Variants in WWOX observed in about 807,000 individuals in gnomAD.
The protein encoded by WWOX is WW domain-containing oxidoreductase.
A neutral mutation model predicts 46.2 loss-of-function variants in WWOX; 69 were observed. The ratio of observed to expected loss-of-function variants is 1.49; its 90% confidence interval spans 1.23 to 1.82. The LOEUF is 1.82. WWOX is among the 40% of genes most tolerant of loss of function. The pLI is 0.00. For synonymous variants in WWOX, 359 were observed against 202.6 expected (o/e 1.77, Z -6.56); for missense variants, 919 against 542.6 (o/e 1.69, Z -6.89).
intron 6 of WWOX, among the ~76,000 whole-genome samples, chr16:78,414,394 C>T (rs955221973): frequency 2.0e-5 from 3 of 152,060 alleles, no homozygotes; most frequent in African/African-American, 7.2e-5. Context: ...CGTGGTGAAA[C>T]CCTGCATCTA....
At chr16:78,470,117 C>T (rs1268393500) in intron 8 of WWOX, among the ~76,000 whole-genome samples, 1 of 152,220 alleles carries the variant, frequency 6.6e-6, no homozygotes, top group Non-Finnish European at 1.5e-5. Flanking sequence ...GGGACTCAAG[C>T]TCTTTTCATC....
At chr16:78,825,828 A>C (rs2051637825) in intron 8 of WWOX, 1 of 602,114 alleles carries the variant, frequency 1.7e-6, no homozygotes, top group South Asian at 2.0e-5. Context: ...CTGGGCATCA[A>C]GGTGAAGGTC....
intron 8 of WWOX, among the ~76,000 whole-genome samples, chr16:79,132,015 G>A (rs181075086): frequency 1.9e-4 from 29 of 152,054 alleles, no homozygotes; most frequent in Non-Finnish European, 3.4e-4. Flanking sequence ...TGATTCAGTT[G>A]TCTCCCTCCA....
At chr16:78,699,768 T>G (rs1472037002) in intron 8 of WWOX, among the ~76,000 whole-genome samples, 1 of 152,252 alleles carries the variant, frequency 6.6e-6, no homozygotes, top group Non-Finnish European at 1.5e-5. Context: ...AATGATCTTC[T>G]GGCCAACTCT....
chr16:79,148,054 GC>G, intron 8 of WWOX, among the ~76,000 whole-genome samples: 1 of 152,116 alleles, frequency 6.6e-6, no homozygotes, highest in Admixed American at 6.5e-5. Context: ...ATGGACATTT[GC>G]AAAATAAAAG....
chr16:79,170,670 AT>A (rs35761134), intron 8 of WWOX, among the ~76,000 whole-genome samples: 2 of 151,222 alleles, frequency 1.3e-5, no homozygotes, highest in East Asian at 1.9e-4. Flanking sequence ...AGTTACTTCT[AT>A]TTTTTTTTAC....
At chr16:78,319,908 C>T (rs956356161) in intron 5 of WWOX, among the ~76,000 whole-genome samples, 2 of 152,102 alleles carry the variant, frequency 1.3e-5, no homozygotes, top group African/African-American at 2.4e-5. Context: ...GTTTTCCTGG[C>T]GAAATAGTCA....
At chr16:78,986,846 A>T (rs1289591361) in intron 8 of WWOX, among the ~76,000 whole-genome samples, 1 of 152,202 alleles carries the variant, frequency 6.6e-6, no homozygotes, top group African/African-American at 2.4e-5. Flanking sequence ...TCTTTTTGAT[A>T]ATACACATTA....
intron 8 of WWOX, among the ~76,000 whole-genome samples, chr16:78,929,865 T>G (rs2045580469): frequency 6.6e-6 from 1 of 152,168 alleles, no homozygotes; most frequent in Non-Finnish European, 1.5e-5. Flanking sequence ...CCCTTGCCTT[T>G]TTACCCAGTA....
intron 8 of WWOX, among the ~76,000 whole-genome samples, chr16:78,456,041 G>T (rs1431416990): frequency 6.6e-6 from 1 of 152,168 alleles, no homozygotes; most frequent in Admixed American, 6.6e-5. Flanking sequence ...ACTACCGAAG[G>T]AGCTTAGAGG....
At chr16:78,761,186 T>C (rs1302216352) in intron 8 of WWOX, among the ~76,000 whole-genome samples, 1 of 152,210 alleles carries the variant, frequency 6.6e-6, no homozygotes, top group African/African-American at 2.4e-5. Context: ...TATTGCATTT[T>C]CTTTTTCTTC....
At chr16:78,896,638 T>G (rs1469966156) in intron 8 of WWOX, 1 of 152,120 alleles carries the variant, frequency 6.6e-6, no homozygotes, top group Non-Finnish European at 1.5e-5. Flanking sequence ...TAGTAAACAT[T>G]TTCATAAATA....
chr16:78,137,251 C>G (rs944008995), intron 4 of WWOX, among the ~76,000 whole-genome samples: 1 of 152,146 alleles, frequency 6.6e-6, no homozygotes, highest in Non-Finnish European at 1.5e-5. Flanking sequence ...TGTGTGTCCA[C>G]CCCCTAGTTT....
At chr16:79,180,572 T>G (rs994735359) in intron 8 of WWOX, among the ~76,000 whole-genome samples, 1 of 152,168 alleles carries the variant, frequency 6.6e-6, no homozygotes, top group African/African-American at 2.4e-5. Context: ...ATAGGAACCT[T>G]AGAAACCCTG....
At chr16:78,749,666 A>T (rs2049430837) in intron 8 of WWOX, among the ~76,000 whole-genome samples, 1 of 151,552 alleles carries the variant, frequency 6.6e-6, no homozygotes, top group African/African-American at 2.5e-5. Context: ...GCTAAGGAGG[A>T]AAAATTATAG....
At chr16:78,554,312 T>A (rs182778118) in intron 8 of WWOX, among the ~76,000 whole-genome samples, 4 of 152,092 alleles carry the variant, frequency 2.6e-5, no homozygotes, top group Non-Finnish European at 5.9e-5. Context: ...TGTTCCATTA[T>A]TGGAACACTA....
chr16:79,005,534 T>G (rs2047173783), intron 8 of WWOX, among the ~76,000 whole-genome samples: 1 of 152,214 alleles, frequency 6.6e-6, no homozygotes, highest in Non-Finnish European at 1.5e-5. Flanking sequence ...GGGCGTCCTC[T>G]TTGCCTCTTC....
chr16:78,989,048 G>A (rs773680779), intron 8 of WWOX, among the ~76,000 whole-genome samples: 9 of 152,168 alleles, frequency 5.9e-5, no homozygotes, highest in Non-Finnish European at 1.2e-4. Flanking sequence ...CGATGATTCA[G>A]AGTAAGCCAT....
intron 8 of WWOX, among the ~76,000 whole-genome samples, chr16:79,165,430 C>T (rs762753970): frequency 3.3e-5 from 5 of 152,064 alleles, no homozygotes; most frequent in South Asian, 4.2e-4. Flanking sequence ...CCACTGCAGC[C>T]GGTAGCATAT....
Sources: allele counts gnomAD v4.1 joint callset (sites outside exome capture counted in the v4.1 genomes callset), GRCh38; gene constraint gnomAD v4.1.1; transcripts MANE v1.5; gene names NCBI Gene and HGNC (gene_info 2026-07-23, HGNC 2026-07-21).